Variants in LTBP1 observed in about 807,000 individuals in gnomAD.
LTBP1 encodes latent-transforming growth factor beta-binding protein 1.
A neutral mutation model predicts 207.6 loss-of-function variants in LTBP1; 129 were observed. The ratio of observed to expected loss-of-function variants is 0.62; its 90% CI spans 0.54 to 0.72. The LOEUF is 0.72. Ranked by LOEUF, LTBP1 falls within the 30% of genes least tolerant of loss-of-function variation. The pLI is 0.00. For missense variants in LTBP1, 2,281 were observed against 2,217.2 expected (o/e 1.03, Z -0.58); for synonymous variants, 963 against 833.7 (o/e 1.16, Z -2.67).
At chr2:33,086,440 G>A (rs2078758579) in intron 3 of LTBP1, among the ~76,000 whole-genome samples, 1 of 152,180 alleles carries the variant, frequency 6.6e-6, no homozygotes, top group South Asian at 2.1e-4. Context: ...CCTGCTCTAA[G>A]GAGTGTAGCA....
intron 3 of LTBP1, among the ~76,000 whole-genome samples, chr2:33,049,224 C>A (rs976781504): frequency 6.6e-6 from 1 of 152,150 alleles, no homozygotes; most frequent in East Asian, 1.9e-4. Flanking sequence ...CTAAAATCTT[C>A]CGGAGAGTTT....
chr2:33,127,113 G>C (rs1375778488), intron 4 of LTBP1, among the ~76,000 whole-genome samples: 1 of 152,096 alleles, frequency 6.6e-6, no homozygotes, highest in Non-Finnish European at 1.5e-5. Context: ...TGAAAGAATT[G>C]GAATCCCTTA....
rs1360708616 is a variant in LTBP1, at chr2:33,200,819, T to C, written c.1701+11968T>C. On this transcript the variant is annotated intron_variant, in intron 7 of 33. Coordinates refer to ENST00000404816, the MANE Select transcript of LTBP1 (RefSeq NM_206943.4). ...ACCCCATCAAAAAGTGGGCGAAGGA[T>C]ATGAACAGACACTTCTCAAAAGAAG... is the stretch of plus-strand genomic sequence containing the variant. Among the ~76,000 whole-genome samples the C allele has an allele frequency of 6.6e-5, 10 of 152,068 alleles. No homozygotes were observed. In the East Asian group the frequency reaches 9.6e-4, roughly 15 times the overall value.
At chr2:33,148,990 G>A (rs561070813) in intron 5 of LTBP1, among the ~76,000 whole-genome samples, 175 of 152,104 alleles carry the variant, frequency 1.2e-3, no homozygotes, top group African/African-American at 4.1e-3. Context: ...CGAGGTAGGC[G>A]GATCACGAGG....
chr2:32,952,190 A>C (rs1157191263), intron 2 of LTBP1, among the ~76,000 whole-genome samples: 1 of 152,206 alleles, frequency 6.6e-6, no homozygotes, highest in Non-Finnish European at 1.5e-5. Context: ...TTGAAACCTA[A>C]TTTAAATGGA....
intron 2 of LTBP1, among the ~76,000 whole-genome samples, chr2:32,949,180 C>T (rs528661711): frequency 3.9e-5 from 6 of 152,206 alleles, no homozygotes; most frequent in Non-Finnish European, 8.8e-5. Context: ...CTTCTCTGAA[C>T]TCAACAGAGA....
intron 15 of LTBP1, among the ~76,000 whole-genome samples, chr2:33,265,093 C>T (rs963025): frequency 0.11 from 17,272 of 152,186 alleles, 1,600 homozygotes; most frequent in African/African-American, 0.26. Context: ...CAGCACCCAG[C>T]AGATAGGATA....
At position 33,134,929 on chromosome 2, in the gene LTBP1, C is replaced by T. The variant is rs772391355; in HGVS notation, c.1170C>T (p.Ala390=). The T allele has an allele frequency of 1.4e-5, 23 of 1,613,202 alleles. No individual in the cohort carries two copies. Among genetic ancestry groups the T allele is most frequent in the South Asian group, 6.6e-5 (6 of 90,968 alleles). ...TCATTAGTGAGAATGGTCATGCTGC[C>T]GACACCCTGACGGCCACGAACTTCC... ...TTLISENGHA[A]DTLTATNFRV... is the part of the protein sequence containing the mutation. Residue 390 remains alanine, a synonymous_variant, in exon 5 of 34, where the codon GCC becomes GCT. Coordinates refer to ENST00000404816, the MANE Select transcript of LTBP1 (RefSeq NM_206943.4). The surrounding 1 kb of genome is among the most constrained non-coding windows in gnomAD (Gnocchi z 4.4).
chr2:33,167,633 G>A (rs1006340449), intron 5 of LTBP1, among the ~76,000 whole-genome samples: 6 of 152,234 alleles, frequency 3.9e-5, no homozygotes, highest in Non-Finnish European at 8.8e-5. Flanking sequence ...TTAGGAAAGA[G>A]GTCATGCTTC....
chr2:33,159,982 A>G (rs1281507965), intron 5 of LTBP1, among the ~76,000 whole-genome samples: 1 of 151,988 alleles, frequency 6.6e-6, no homozygotes, highest in African/African-American at 2.4e-5. Context: ...CCCGGGCTCA[A>G]GCAATTTTTC....
At chr2:33,351,696 C>A (rs73925700) in intron 26 of LTBP1, among the ~76,000 whole-genome samples, 1 of 152,138 alleles carries the variant, frequency 6.6e-6, no homozygotes, top group Non-Finnish European at 1.5e-5. Context: ...AGTCTCATCC[C>A]AGAGTCGTCT....
rs116821005 is a variant in LTBP1 at position 33,324,112 on chromosome 2, T to G, written c.3730+8843T>G. Among the ~76,000 whole-genome samples the G allele has an allele frequency of 6.3e-3, 957 of 152,262 alleles. 12 individuals are homozygous for G. The highest frequency in any genetic ancestry group is 0.022 in the African/African-American group (915 of 41,544). On this transcript the variant is annotated intron_variant, in intron 24 of 33. Coordinates refer to ENST00000404816, the MANE Select transcript of LTBP1 (RefSeq NM_206943.4). ...GTGAGCTATTGTTACTATTTTAGCA[T>G]TTCTTATACTGGTACCTTAGTTACA...
chr2:33,000,828 G>A (rs1463664527), intron 2 of LTBP1, among the ~76,000 whole-genome samples: 3 of 134,624 alleles, frequency 2.2e-5, no homozygotes, highest in African/African-American at 7.8e-5. Flanking sequence ...AGGGGGAGAG[G>A]TAAGAGGAGA....
At chr2:33,208,937 G>A (rs375066967) in intron 7 of LTBP1, among the ~76,000 whole-genome samples, 185 of 142,406 alleles carry the variant, frequency 1.3e-3, no homozygotes, top group African/African-American at 4.6e-3. Context: ...GCGCGATCTC[G>A]GCTGACTGCA....
chr2:33,338,034 T>A (rs1380882653), intron 24 of LTBP1, among the ~76,000 whole-genome samples: 1 of 152,250 alleles, frequency 6.6e-6, no homozygotes, highest in Non-Finnish European at 1.5e-5. Context: ...TGTTTTTTCT[T>A]GTAGAGGTCA....
chr2:33,198,589 C>T (rs1464497223), intron 7 of LTBP1, among the ~76,000 whole-genome samples: 2 of 152,164 alleles, frequency 1.3e-5, no homozygotes, highest in African/African-American at 4.8e-5. Context: ...TGTTATTGGT[C>T]TATTCAGAGA....
chr2:33,311,013 A>G (rs1269305424), intron 23 of LTBP1, among the ~76,000 whole-genome samples: 1 of 152,154 alleles, frequency 6.6e-6, no homozygotes, highest in Non-Finnish European at 1.5e-5. Context: ...TTTACCCACT[A>G]TTACTGAATA....
At chr2:33,048,169 C>T (rs1178612208) in intron 3 of LTBP1, among the ~76,000 whole-genome samples, 3 of 152,148 alleles carry the variant, frequency 2.0e-5, no homozygotes, top group Non-Finnish European at 4.4e-5. Flanking sequence ...ATAAAACAGA[C>T]ATTCAGAAGC....
At chr2:33,308,756 A>G (rs1402249785) in intron 22 of LTBP1, among the ~76,000 whole-genome samples, 1 of 152,158 alleles carries the variant, frequency 6.6e-6, no homozygotes, top group Non-Finnish European at 1.5e-5. Flanking sequence ...GTTTCTTTGA[A>G]CAAACATTTC....
Sources: allele counts gnomAD v4.1 joint callset (sites outside exome capture counted in the v4.1 genomes callset), GRCh38; gene constraint gnomAD v4.1.1; non-coding constraint Gnocchi (gnomAD v3.1); transcripts MANE v1.5; gene names NCBI Gene and HGNC (gene_info 2026-07-23, HGNC 2026-07-21).